FRA10AC1: variants seen among roughly 807,000 people sequenced by gnomAD.
The protein encoded by FRA10AC1 is protein FRA10AC1.
Under a neutral mutation model 56.5 loss-of-function variants are expected in FRA10AC1, and 43 were observed. That is an observed-to-expected ratio of 0.76 (90% CI 0.60 to 0.98). FRA10AC1 has a LOEUF of 0.98. Among genes scored for constraint, FRA10AC1 ranks in the 50% least tolerant of loss-of-function variants. FRA10AC1 has a pLI of 0.00. For synonymous variants in FRA10AC1, 112 were observed against 110.5 expected, an observed-to-expected ratio of 1.01 and a Z score of -0.09; for missense variants, 346 against 351.8, an observed-to-expected ratio of 0.98 and a Z score of 0.13.
intron 13 of FRA10AC1, among the ~76,000 whole-genome samples, chr10:93,670,514 T>C (rs1394951556): frequency 6.6e-6 from 1 of 152,152 alleles, no homozygotes; most frequent in Non-Finnish European, 1.5e-5. Context: ...AACAGCCATC[T>C]CTGAAGAAAT....
chr10:93,693,489 TATATATATATATATATATACACC>T (rs1394267704), intron 5 of FRA10AC1, among the ~76,000 whole-genome samples: 3 of 33,186 alleles, frequency 9.0e-5, no homozygotes, highest in Non-Finnish European at 3.1e-4. Context: ...TGTGTATATA[TATATATATATATATATATACACC>T]ATATATATAT....
chr10:93,696,805 G>A (rs972551547), intron 4 of FRA10AC1, among the ~76,000 whole-genome samples: 1 of 152,170 alleles, frequency 6.6e-6, no homozygotes. Context: ...TCCTTTGCAG[G>A]GACATGGATG....
intron 4 of FRA10AC1, among the ~76,000 whole-genome samples, chr10:93,696,192 T>C (rs556458970): frequency 1.3e-5 from 2 of 152,328 alleles, no homozygotes; most frequent in Non-Finnish European, 2.9e-5. Flanking sequence ...TGAAGACCTA[T>C]GGTATGACAT....
chr10:93,674,908 A>G (rs899606445), intron 12 of FRA10AC1: 3 of 152,200 alleles, frequency 2.0e-5, no homozygotes, highest in African/African-American at 7.2e-5. Context: ...CTCCCACTTT[A>G]GCCTGTGTAC....
At chr10:93,692,849 G>A in intron 5 of FRA10AC1, 120 bp from the exon 6 acceptor site, 1 of 555,512 alleles carries the variant, frequency 1.8e-6, no homozygotes, top group Non-Finnish European at 3.1e-6. Flanking sequence ...TAGTTTTTTG[G>A]TGAGTATAAA....
intron 1 of FRA10AC1, 114 bp from the exon 2 acceptor site, chr10:93,700,220 T>C: frequency 1.6e-6 from 1 of 622,940 alleles, no homozygotes; most frequent in African/African-American, 1.9e-5. Context: ...AGGATCATTG[T>C]GGGCAGATTC....
intron 4 of FRA10AC1, among the ~76,000 whole-genome samples, chr10:93,696,588 G>A (rs2059239162): frequency 6.6e-6 from 1 of 152,202 alleles, no homozygotes; most frequent in Non-Finnish European, 1.5e-5. Flanking sequence ...ATCTGATCCA[G>A]CAATCCCATT....
rs1300299538 is a variant in FRA10AC1, at chr10:93,694,920, CT to C, written c.236del (p.Lys79SerfsTer3). On this transcript the variant is annotated frameshift_variant, in exon 5 of 14. Transcript: ENST00000359204. LOFTEE classifies it high-confidence loss of function. ...IAMDAYQRHT[K>X]FVNDYILYYG... is the part of the protein sequence containing the mutation. ...AGTATAAAATATAGTCATTTACGAA[CT>C]TTGTATGTCTTTGATACTGAAATGC... 1.3e-6 allele frequency: 2 copies of C among 1,534,676 alleles called. No homozygotes were observed. Among genetic ancestry groups the C allele is most frequent in the African/African-American group, 1.4e-5 (1 of 74,048 alleles).
Position 93,698,408 on chromosome 10 carries a change from A to C in FRA10AC1, c.78-12T>G. On this transcript the variant is annotated splice_polypyrimidine_tract_variant and intron_variant, in intron 2 of 13. Coordinates refer to ENST00000359204, the MANE Select transcript of FRA10AC1 (RefSeq NM_145246.5). Reference sequence around the variant, plus strand: ...CATCTTCAACTGTCCTGATATATTAAGAAGAAAATAAGAGTTCACTTTTTT... The same window carrying C: ...CATCTTCAACTGTCCTGATATATTACGAAGAAAATAAGAGTTCACTTTTTT... 1 of 1,460,440 alleles carries C rather than the reference A, an allele frequency of 6.8e-7. No homozygotes were observed. The highest frequency in any genetic ancestry group is 9.5e-7 in the Non-Finnish European group (1 of 1,052,326). 90.5% of individuals were successfully genotyped at this position (1,460,440 alleles called of 1,614,324 possible). A position where few individuals can be genotyped will look rare whatever the true frequency, so the allele number is the denominator to read the frequency against.
chr10:93,686,186 T>C (rs1294719204), intron 8 of FRA10AC1, among the ~76,000 whole-genome samples: 1 of 151,912 alleles, frequency 6.6e-6, no homozygotes, highest in Non-Finnish European at 1.5e-5. Flanking sequence ...ATTATCAAAA[T>C]GAATTTAGAA....
intron 5 of FRA10AC1, 109 bp downstream of exon 5, chr10:93,694,743 AAGGCACACC>A: frequency 2.2e-6 from 1 of 445,604 alleles, no homozygotes; most frequent in Non-Finnish European, 4.1e-6. Context: ...AAAAAAAAAA[AAGGCACACC>A]GGAATAGAAA....
At chr10:93,673,228 A>T in intron 12 of FRA10AC1, 1 of 423,618 alleles carries the variant, frequency 2.4e-6, no homozygotes, top group Non-Finnish European at 4.7e-6. Flanking sequence ...CAGTTCTGCC[A>T]ACCCAGAGTC....
chr10:93,676,638 A>T lies in FRA10AC1; in HGVS notation c.826+15T>A, dbSNP rs1383754630. 2.6e-6 allele frequency: 4 copies of T among 1,553,506 alleles called. No homozygotes were observed. The highest frequency in any genetic ancestry group is 1.4e-5 in the African/African-American group (1 of 71,928). ...TCAAATGCATATTTTTATTAAATAA[A>T]CACTTGTTACTTACTAAGTAGAGAA... On this transcript the variant is annotated intron_variant, in intron 12 of 13. Transcript: ENST00000359204.
At chr10:93,693,171 G>C (rs1589725942) in intron 5 of FRA10AC1, among the ~76,000 whole-genome samples, 1 of 146,938 alleles carries the variant, frequency 6.8e-6, no homozygotes, top group Non-Finnish European at 1.5e-5. Context: ...GAAAGCCAAA[G>C]GGATTGACCT....
intron 5 of FRA10AC1, among the ~76,000 whole-genome samples, chr10:93,694,414 T>C (rs1229636189): frequency 1.3e-5 from 2 of 151,866 alleles, no homozygotes; most frequent in Admixed American, 1.3e-4. Context: ...CTCTACCTTA[T>C]AATATAAAAA....
intron 11 of FRA10AC1, among the ~76,000 whole-genome samples, chr10:93,677,554 A>G (rs2058863666): frequency 6.6e-6 from 1 of 152,264 alleles, no homozygotes; most frequent in African/African-American, 2.4e-5. Context: ...GCCCAAGAAC[A>G]TAATTAGAAC....
intron 11 of FRA10AC1, among the ~76,000 whole-genome samples, chr10:93,679,912 A>G (rs984813038): frequency 6.6e-6 from 1 of 152,196 alleles, no homozygotes; most frequent in African/African-American, 2.4e-5. Context: ...AACATAAATA[A>G]TAAGGGGAAA....
intron 2 of FRA10AC1, among the ~76,000 whole-genome samples, chr10:93,699,409 C>T (rs1441643357): frequency 2.0e-5 from 3 of 152,122 alleles, no homozygotes; most frequent in Non-Finnish European, 4.4e-5. Flanking sequence ...CATCAGTCAA[C>T]CACTCCTGAG....
chr10:93,687,477 C>G (rs1171155030), intron 7 of FRA10AC1, 28 bp from the exon 8 acceptor site: 14 of 1,461,398 alleles, frequency 9.6e-6, no homozygotes, highest in Non-Finnish European at 1.2e-5. Context: ...ACATTTATGC[C>G]AATGTAAATT....
Sources: allele counts gnomAD v4.1 joint callset (sites outside exome capture counted in the v4.1 genomes callset), GRCh38; gene constraint gnomAD v4.1.1; transcripts MANE v1.5; gene names NCBI Gene and HGNC (gene_info 2026-07-23, HGNC 2026-07-21).